The following TTYH2 variants were observed in gnomAD, a reference collection of about 807,000 sequenced individuals.
The protein encoded by TTYH2 is tweety family member 2, also known as protein tweety homolog 2.
A neutral mutation model predicts 68.3 loss-of-function variants in TTYH2; 49 were observed. The observed-to-expected ratio is 0.72, with a 90% CI of 0.57 to 0.91. TTYH2 has a LOEUF of 0.91. Ranked by LOEUF, TTYH2 falls within the 40% of genes least tolerant of loss-of-function variation. The pLI is 0.00. For missense variants in TTYH2, 631 were observed against 700.4 expected (o/e 0.90, Z 1.12); for synonymous variants, 272 against 300.8 (o/e 0.90, Z 0.99).
intron 10 of TTYH2, chr17:74,250,758 A>G (rs1317811888): frequency 1.9e-5 from 3 of 161,142 alleles, no homozygotes; most frequent in Non-Finnish European, 4.1e-5. Context: ...TCAGACAGAC[A>G]CAATGATGCA....
intron 6 of TTYH2, among the ~76,000 whole-genome samples, chr17:74,246,573 C>T (rs2050560145): frequency 6.6e-6 from 1 of 152,134 alleles, no homozygotes; most frequent in South Asian, 2.1e-4. Context: ...CAGCCATCAC[C>T]TGGGCTGGTT....
intron 13 of TTYH2, among the ~76,000 whole-genome samples, chr17:74,255,643 G>A (rs1422762991): frequency 6.6e-6 from 1 of 151,796 alleles, no homozygotes; most frequent in Admixed American, 6.6e-5. Context: ...GCAGAGACAG[G>A]GCTGGCTGGT....
At position 74,217,974 on chromosome 17, in the gene TTYH2, G is replaced by A. The variant is rs2050237562; in HGVS notation, c.129+4258G>A. Among the ~76,000 whole-genome samples, 1 of 151,856 alleles carries A rather than the reference G, an allele frequency of 6.6e-6. No individual in the cohort carries two copies. Among genetic ancestry groups the A allele is most frequent in the Admixed American group, 6.6e-5 (1 of 15,256 alleles). ...GCTGCAGGGCACAGTGGGAGGCGTG[G>A]GGAGGCGTGGGAAATTGTCTTGGCA... On this transcript the variant is annotated intron_variant, in intron 1 of 13. Coordinates refer to ENST00000269346, the MANE Select transcript of TTYH2 (RefSeq NM_032646.6). This position sits in a 1 kb window ranked among gnomAD's most constrained non-coding sequence, Gnocchi z 4.0.
chr17:74,244,001 C>G lies in TTYH2; in HGVS notation c.756C>G (p.Ser252Arg). 1.9e-6 allele frequency: 3 copies of G among 1,612,256 alleles called. No homozygotes were observed. The highest frequency in any genetic ancestry group is 2.5e-6 in the Non-Finnish European group (3 of 1,179,942). Residue 252 changes from serine (S) to arginine (R), a missense_variant, in exon 6 of 14, where the codon AGC becomes AGG. By Grantham distance (110) the Ser-to-Arg change is moderately radical. Transcript: ENST00000269346. Reference sequence around the variant, plus strand: ...GGATGCTGTGCTGTGGGGCACTGAGCCTGCTCCTCAGTTGGGCATCCCTGG... The same window carrying G: ...GGATGCTGTGCTGTGGGGCACTGAGGCTGCTCCTCAGTTGGGCATCCCTGG... ...LASMLCCGAL[S>R]LLLSWASLAA...
intron 13 of TTYH2, among the ~76,000 whole-genome samples, chr17:74,259,677 C>T (rs919336033): frequency 3.3e-5 from 5 of 152,162 alleles, no homozygotes; most frequent in Middle Eastern, 3.2e-3. Flanking sequence ...GCCCTTTCAA[C>T]GTAAGAGCTG....
At chr17:74,238,357 G>A (rs2050465242) in intron 4 of TTYH2, among the ~76,000 whole-genome samples, 2 of 152,172 alleles carry the variant, frequency 1.3e-5, no homozygotes, top group African/African-American at 4.8e-5. Flanking sequence ...TAAGCGTGGA[G>A]GAGGCACAAG....
At chr17:74,259,317 TCTC>T (rs1210657870) in intron 13 of TTYH2, among the ~76,000 whole-genome samples, 1 of 151,928 alleles carries the variant, frequency 6.6e-6, no homozygotes, top group Non-Finnish European at 1.5e-5. Flanking sequence ...TCAAGTACCT[TCTC>T]CTCCTGCCTC....
At chr17:74,225,379 AGCAACTCATAG>A (rs951180710) in intron 2 of TTYH2, among the ~76,000 whole-genome samples, 1 of 152,146 alleles carries the variant, frequency 6.6e-6, no homozygotes, top group African/African-American at 2.4e-5. Context: ...CAAACCATGA[AGCAACTCATAG>A]GCTTTGTGAG....
In TTYH2 at chr17:74,261,227, C is replaced by T. The variant is rs2050747565; in HGVS notation, c.*1018C>T. The T allele has an allele frequency of 6.6e-6, 1 of 152,162 alleles. No individual in the cohort carries two copies. Among genetic ancestry groups the T allele is most frequent in the Admixed American group, 6.5e-5 (1 of 15,270 alleles). The allele number at this position is 152,162 out of a possible 1,614,324, so 9.4% of individuals were successfully genotyped here. The stretch of plus-strand genomic sequence containing the variant: ...AATAAGGATCAGTGAGGCATCCTGT[C>T]CCAAGCTACTGTTTGGTGGGGATCT... On this transcript the variant is annotated 3_prime_UTR_variant, in exon 14 of 14. Coordinates refer to ENST00000269346, the MANE Select transcript of TTYH2 (RefSeq NM_032646.6).
rs79614848 is a variant in TTYH2, at chr17:74,214,333, G to A, written c.129+617G>A. ...GCGCAGAGAACCCACAGCTGCTTGCGCTTGTTCCAGGGAAGGAAGGTGGCC... is the reference window on the plus strand; with the variant it reads ...GCGCAGAGAACCCACAGCTGCTTGCACTTGTTCCAGGGAAGGAAGGTGGCC... On this transcript the variant is annotated intron_variant, in intron 1 of 13. Transcript: ENST00000269346. This position sits in a 1 kb window ranked among gnomAD's most constrained non-coding sequence, Gnocchi z 4.6. Among the ~76,000 whole-genome samples, 31 of 152,254 alleles carry A rather than the reference G, an allele frequency of 2.0e-4. No individual in the cohort carries two copies. The highest frequency in any genetic ancestry group is 6.5e-4 in the African/African-American group (27 of 41,564).
chr17:74,254,047 A>T (rs2050667503), intron 13 of TTYH2, among the ~76,000 whole-genome samples: 1 of 152,238 alleles, frequency 6.6e-6, no homozygotes, highest in Admixed American at 6.5e-5. Flanking sequence ...CCAGGCAGGA[A>T]CAAGACACAG....
chr17:74,244,201 C>G, intron 6 of TTYH2, 152 bp downstream of exon 6: 1 of 679,024 alleles, frequency 1.5e-6, no homozygotes, highest in Non-Finnish European at 2.5e-6. Flanking sequence ...TGAACCGGCC[C>G]CTCTCGTTAC....
At position 74,260,171 on chromosome 17, in the gene TTYH2, G is replaced by A. The variant is rs1230514720; in HGVS notation, c.1567G>A (p.Glu523Lys). The A allele has an allele frequency of 1.2e-6, 2 of 1,613,826 alleles. No individual in the cohort carries two copies. The highest frequency in any genetic ancestry group is 2.7e-5 in the African/African-American group (2 of 74,902). ...AGCCACCTACCTGTCTGTGGCGGAT[G>A]AGCACCTGAGGCACTACGGGAATCA... ...MRATYLSVADEHLRHYGNQFP... is the reference protein window; with the variant it reads ...MRATYLSVADKHLRHYGNQFP... Residue 523 changes from glutamate to lysine, a missense_variant, in exon 14 of 14, where the codon GAG becomes AAG. By Grantham distance (56) the Glu-to-Lys change is moderately conservative. Transcript: ENST00000269346.
chr17:74,230,993 T>C lies in TTYH2; in HGVS notation c.408T>C (p.Asp136=), dbSNP rs563918974. The change falls in exon 3 of 14, where the codon GAT becomes GAC. Residue 136 remains aspartate, a synonymous_variant. Coordinates refer to ENST00000269346, the MANE Select transcript of TTYH2 (RefSeq NM_032646.6). Reference sequence around the variant, plus strand: ...CCAACCACACCTTCTCTGGGATCGATGCTCTGGTAAGGCTCCCGGGCAGCT... The same window carrying C: ...CCAACCACACCTTCTCTGGGATCGACGCTCTGGTAAGGCTCCCGGGCAGCT... ...DDANHTFSGI[D]ALVSGTTQKM... 63 of 1,613,856 alleles carry C rather than the reference T, an allele frequency of 3.9e-5. No homozygotes were observed. Among genetic ancestry groups the C allele is most frequent in the Non-Finnish European group, 5.2e-5 (61 of 1,179,902 alleles).
intron 1 of TTYH2, among the ~76,000 whole-genome samples, chr17:74,216,177 T>C (rs2050220271): frequency 6.6e-6 from 1 of 152,194 alleles, no homozygotes; most frequent in Non-Finnish European, 1.5e-5. Context: ...TTCAGGAGTG[T>C]GTCTCAGGAC....
intron 1 of TTYH2, among the ~76,000 whole-genome samples, chr17:74,216,397 G>T (rs954790374): frequency 3.3e-5 from 5 of 152,132 alleles, no homozygotes; most frequent in Non-Finnish European, 7.4e-5. Flanking sequence ...TTAGGATGTG[G>T]GTGGTGCGGG....
intron 13 of TTYH2, among the ~76,000 whole-genome samples, chr17:74,258,488 A>G (rs2050715092): frequency 6.6e-6 from 1 of 152,040 alleles, no homozygotes; most frequent in African/African-American, 2.4e-5. Flanking sequence ...GCTGGTCTTG[A>G]ACTCCTGAGC....
chr17:74,235,603 C>T (rs2050435039), intron 3 of TTYH2, among the ~76,000 whole-genome samples: 1 of 152,120 alleles, frequency 6.6e-6, no homozygotes, highest in South Asian at 2.1e-4. Flanking sequence ...GAAATGGATG[C>T]ACATGGCCGG....
chr17:74,238,107 G>A (rs986876902), intron 4 of TTYH2, among the ~76,000 whole-genome samples: 1 of 152,226 alleles, frequency 6.6e-6, no homozygotes, highest in Admixed American at 6.5e-5. Flanking sequence ...TCAGCCTCCC[G>A]CACACGGTGG....
Sources: allele counts gnomAD v4.1 joint callset (sites outside exome capture counted in the v4.1 genomes callset), GRCh38; gene constraint gnomAD v4.1.1; non-coding constraint Gnocchi (gnomAD v3.1); transcripts MANE v1.5; gene names NCBI Gene and HGNC (gene_info 2026-07-23, HGNC 2026-07-21).